Variants in ELF2 observed in about 807,000 individuals in gnomAD.
The protein encoded by ELF2 is ETS-related transcription factor Elf-2.
ELF2 carries 11 observed loss-of-function variants against 54.8 expected under a neutral mutation model. The observed-to-expected ratio is 0.20, with a 90% CI of 0.13 to 0.33. The LOEUF (loss-of-function observed/expected upper bound fraction) is 0.33, where lower values mean the gene tolerates loss of function less well. ELF2 is among the 10% of genes least tolerant of loss of function. The pLI is 1.00. For synonymous variants in ELF2, 203 were observed against 245.1 expected, an observed-to-expected ratio of 0.83 and a Z score of 1.61; for missense variants, 513 against 703.0, an observed-to-expected ratio of 0.73 and a Z score of 3.06.
chr4:139,139,213 T>C (rs1159931683), intron 2 of ELF2, among the ~76,000 whole-genome samples, 200 bp downstream of exon 2: 6 of 152,002 alleles, frequency 3.9e-5, no homozygotes, highest in Non-Finnish European at 8.8e-5. Context: ...TAGAATGAAA[T>C]ACCTGAAAAA....
chr4:139,163,101 A>G (rs1741336400), intron 1 of ELF2, among the ~76,000 whole-genome samples: 1 of 152,186 alleles, frequency 6.6e-6, no homozygotes, highest in South Asian at 2.1e-4. Flanking sequence ...AACTCAAAAA[A>G]TAAAAAAATA....
At chr4:139,110,895 A>G (rs1734882546) in intron 4 of ELF2, among the ~76,000 whole-genome samples, 1 of 152,184 alleles carries the variant, frequency 6.6e-6, no homozygotes, top group South Asian at 2.1e-4. Flanking sequence ...AATAAACAGG[A>G]TAGTAATTAT....
At chr4:139,138,255 A>C (rs1017712774) in intron 2 of ELF2, among the ~76,000 whole-genome samples, 5 of 152,086 alleles carry the variant, frequency 3.3e-5, no homozygotes, top group African/African-American at 1.2e-4. Flanking sequence ...CACCTTTACT[A>C]AAAATACAAA....
In ELF2 at chr4:139,092,414, T is replaced by TAACATAACAAACATAACATAACATA. The variant is rs70940488; in HGVS notation, c.239-18848_239-18847insTATGTTATGTTATGTTTGTTATGTT. ...TAACATAACATAACATAACATAACATACATAACATAACATAACATAACATA... is the reference window on the plus strand; with the variant it reads ...TAACATAACATAACATAACATAACATAACATAACAAACATAACATAACATAACATAACATAACATAACATAACATA... On this transcript the variant is annotated intron_variant, in intron 4 of 9. Transcript: ENST00000686138. 6.0e-3 allele frequency among the ~76,000 whole-genome samples: 528 copies of TAACATAACAAACATAACATAACATA among 87,782 alleles called. 27 individuals are homozygous for TAACATAACAAACATAACATAACATA. Among genetic ancestry groups the TAACATAACAAACATAACATAACATA allele is most frequent in the East Asian group, 0.012 (37 of 3,064 alleles). 57.6% of individuals were successfully genotyped at this position (87,782 alleles called of 152,430 possible).
chr4:139,092,173 C>T (rs1732666444), intron 4 of ELF2, among the ~76,000 whole-genome samples: 1 of 150,110 alleles, frequency 6.7e-6, no homozygotes, highest in African/African-American at 2.5e-5. Context: ...ACCAGCCTGG[C>T]AAACATGGTG....
At chr4:139,135,806 T>C (rs1738092166) in intron 3 of ELF2, among the ~76,000 whole-genome samples, 1 of 152,188 alleles carries the variant, frequency 6.6e-6, no homozygotes, top group Non-Finnish European at 1.5e-5. Flanking sequence ...CCTATAAGAC[T>C]ACCACATAAA....
At chr4:139,112,876 C>T (rs528591747) in intron 4 of ELF2, among the ~76,000 whole-genome samples, 1 of 151,532 alleles carries the variant, frequency 6.6e-6, no homozygotes, top group South Asian at 2.1e-4. Context: ...GCCTGAGTGA[C>T]GGAACAAGAC....
At chr4:139,170,307 CA>C (rs1742163064) in intron 1 of ELF2, among the ~76,000 whole-genome samples, 1 of 133,482 alleles carries the variant, frequency 7.5e-6, no homozygotes, top group Non-Finnish European at 1.5e-5. Flanking sequence ...CTCTGTTGCC[CA>C]GGCTGGAGTG....
intron 1 of ELF2, among the ~76,000 whole-genome samples, chr4:139,172,148 C>T (rs559217354): frequency 8.1e-4 from 123 of 152,258 alleles, no homozygotes; most frequent in African/African-American, 2.8e-3. Context: ...CATATGTCCA[C>T]ATAAAGACTT....
chr4:139,100,175 G>A (rs951701939), intron 4 of ELF2, among the ~76,000 whole-genome samples: 5 of 152,104 alleles, frequency 3.3e-5, no homozygotes, highest in African/African-American at 9.7e-5. Context: ...AAAGTTATTC[G>A]GCCTAGGGTT....
intron 3 of ELF2, chr4:139,137,357 T>G (rs1373214765): frequency 2.1e-6 from 1 of 475,848 alleles, no homozygotes; most frequent in Non-Finnish European, 3.7e-6. Context: ...GGATTTAAAT[T>G]TAACTCTCAA....
At chr4:139,071,271 G>GAT (rs1239210753) in intron 6 of ELF2, among the ~76,000 whole-genome samples, 2 of 151,376 alleles carry the variant, frequency 1.3e-5, no homozygotes, top group South Asian at 2.1e-4. Flanking sequence ...TGATATAAAT[G>GAT]ATATATATAT....
At chr4:139,073,873 G>A (rs1463976442) in intron 4 of ELF2, among the ~76,000 whole-genome samples, 1 of 152,206 alleles carries the variant, frequency 6.6e-6, no homozygotes, top group Non-Finnish European at 1.5e-5. Context: ...GTTCATGCCT[G>A]TAATCCCAGC....
At chr4:139,115,538 C>T (rs1289424462) in intron 4 of ELF2, among the ~76,000 whole-genome samples, 1 of 151,574 alleles carries the variant, frequency 6.6e-6, no homozygotes, top group Non-Finnish European at 1.5e-5. Flanking sequence ...TGGCCGCGCC[C>T]CCTGACATGG....
intron 4 of ELF2, among the ~76,000 whole-genome samples, chr4:139,118,146 A>G (rs1383781271): frequency 6.6e-6 from 1 of 152,196 alleles, no homozygotes; most frequent in African/African-American, 2.4e-5. Context: ...AGTATATTTA[A>G]CAAAAGAAAA....
At chr4:139,162,525 C>T (rs1386732961) in intron 1 of ELF2, among the ~76,000 whole-genome samples, 10 of 151,646 alleles carry the variant, frequency 6.6e-5, no homozygotes, top group Non-Finnish European at 1.2e-4. Context: ...AGCAAGACTC[C>T]GTCTCAGAAA....
chr4:139,080,635 A>G (rs1288301421), intron 4 of ELF2, among the ~76,000 whole-genome samples: 1 of 152,154 alleles, frequency 6.6e-6, no homozygotes, highest in Non-Finnish European at 1.5e-5. Flanking sequence ...ATAAAGGAAA[A>G]AGTCAAGAAA....
At chr4:139,170,777 G>A (rs1010674749) in intron 1 of ELF2, among the ~76,000 whole-genome samples, 1 of 149,978 alleles carries the variant, frequency 6.7e-6, no homozygotes, top group African/African-American at 2.4e-5. Flanking sequence ...ACAGAGCCTT[G>A]CTCTGTTGCC....
chr4:139,126,942 C>G (rs1487405297), intron 3 of ELF2, among the ~76,000 whole-genome samples: 5 of 152,124 alleles, frequency 3.3e-5, no homozygotes, highest in Non-Finnish European at 7.3e-5. Context: ...AAGAGAGATT[C>G]CACGATGCTA....
Sources: gnomAD v4.1 joint callset for allele counts (sites outside exome capture counted in the v4.1 genomes callset) on GRCh38, gnomAD v4.1.1 for gene constraint, MANE v1.5 for transcripts, NCBI Gene and HGNC (gene_info 2026-07-23, HGNC 2026-07-21) for gene names.